Variants in PUM3 observed in about 807,000 individuals in gnomAD.
The protein encoded by PUM3 is pumilio homolog 3.
In PUM3, 91 loss-of-function variants were observed where a neutral mutation model predicts 84.0. The observed-to-expected ratio is 1.08, with a 90% CI of 0.91 to 1.29. PUM3 has a LOEUF of 1.29. Ranked by LOEUF, PUM3 falls within the 50% of genes most tolerant of loss-of-function variation. The pLI is 0.00. For missense variants in PUM3, 1,067 were observed against 767.5 expected, an observed-to-expected ratio of 1.39 and a Z score of -4.61; for synonymous variants, 321 against 266.7, an observed-to-expected ratio of 1.20 and a Z score of -1.98.
rs189340823 is a variant in PUM3 at position 2,832,224 on chromosome 9, T to C, written c.517-880A>G. ...TTTTTGTGCATATATTGAGCACCTA[T>C]TATATAATCAACATAAATGCCTTAA... On this transcript the variant is annotated intron_variant, in intron 5 of 17. Transcript: ENST00000397885. 3.5e-4 allele frequency among the ~76,000 whole-genome samples: 53 copies of C among 152,310 alleles called. No homozygotes were observed. In the East Asian group the frequency reaches 8.7e-3, roughly 25 times the overall value.
At chr9:2,826,124 G>C (rs1255282563) in intron 10 of PUM3, among the ~76,000 whole-genome samples, 1 of 148,302 alleles carries the variant, frequency 6.7e-6, no homozygotes, top group Non-Finnish European at 1.5e-5. Flanking sequence ...AGTCTCTTTT[G>C]AAAATGCCCC....
At chr9:2,843,411 C>T (rs946691843) in intron 1 of PUM3, among the ~76,000 whole-genome samples, 3 of 152,008 alleles carry the variant, frequency 2.0e-5, no homozygotes, top group African/African-American at 7.3e-5. Flanking sequence ...TTAGAATCTG[C>T]GTACATTCAG....
At chr9:2,809,492 T>A (rs1050617332) in intron 16 of PUM3, among the ~76,000 whole-genome samples, 1 of 152,122 alleles carries the variant, frequency 6.6e-6, no homozygotes, top group African/African-American at 2.4e-5. Context: ...TAGCCCCAGG[T>A]CCCCATTCTT....
chr9:2,841,394 A>G (rs1010854656), intron 1 of PUM3, among the ~76,000 whole-genome samples: 1 of 152,002 alleles, frequency 6.6e-6, no homozygotes, highest in Non-Finnish European at 1.5e-5. Context: ...ACCAAACCCC[A>G]TCTCTACTAA....
chr9:2,830,387 TCAAGA>T (rs970175892), intron 7 of PUM3, among the ~76,000 whole-genome samples: 5 of 152,190 alleles, frequency 3.3e-5, no homozygotes, highest in African/African-American at 1.2e-4. Context: ...AAAAGATTGG[TCAAGA>T]CAAGTACTAA....
chr9:2,822,748 T>A (rs1815688318), intron 12 of PUM3, among the ~76,000 whole-genome samples: 1 of 147,948 alleles, frequency 6.8e-6, no homozygotes, highest in East Asian at 1.9e-4. Flanking sequence ...TAATGTTATA[T>A]AATATATAAC....
intron 3 of PUM3, among the ~76,000 whole-genome samples, chr9:2,836,061 A>C (rs10217311): frequency 0.038 from 5,756 of 152,192 alleles, 121 homozygotes; most frequent in East Asian, 0.063. Flanking sequence ...GAGAAAGAAA[A>C]AATGAAAAGA....
rs981767303 is a variant in PUM3, at chr9:2,823,774, T to C, written c.1188+7A>G. 6.8e-6 allele frequency: 9 copies of C among 1,329,184 alleles called. No homozygotes were observed. Among genetic ancestry groups the C allele is most frequent in the Admixed American group, 1.9e-5 (1 of 52,174 alleles). The allele number at this position is 1,329,184 out of a possible 1,614,324, so 82.3% of individuals were successfully genotyped here. ...ATAATTAGAATATGTAGTTTTATTA[T>C]ACTTACATTAGCCACCTTTTCAACA... On this transcript the variant is annotated splice_region_variant and intron_variant, in intron 12 of 17. Transcript: ENST00000397885.
rs114287488 is a variant in PUM3 at position 2,834,101 on chromosome 9, T to C, written c.370A>G (p.Arg124Gly). Reference protein sequence around the residue: ...KKKKKELKQSRQLSDKTNYDI... With the variant: ...KKKKKELKQSGQLSDKTNYDI... ...TAGTTGGTTTTATCACTGAGTTGTCTGCTTTGCTTCAGTTCTTTCTTCTTC... is the reference window on the plus strand; with the variant it reads ...TAGTTGGTTTTATCACTGAGTTGTCCGCTTTGCTTCAGTTCTTTCTTCTTC... The change falls in exon 4 of 18, where the codon AGA (arginine) becomes GGA (glycine). Residue 124 changes from arginine (R) to glycine (G), a missense_variant. Transcript: ENST00000397885. 3.8e-4 allele frequency: 619 copies of C among 1,613,808 alleles called. 1 individual carries two copies. In the African/African-American group the frequency reaches 7.4e-3, roughly 19 times the overall value.
In PUM3 at chr9:2,812,246, C is replaced by G; in HGVS notation, c.1386G>C (p.Leu462=). 1 of 1,613,650 alleles carries G rather than the reference C, an allele frequency of 6.2e-7. No homozygotes were observed. The highest frequency in any genetic ancestry group is 8.5e-7 in the Non-Finnish European group (1 of 1,179,736). The part of the protein sequence containing the change: ...AHTVREIIEV[L]QKGDGNAHSK... ...TGTGTGCATTTCCATCTCCTTTTTG[C>G]AGAACTTCAATGATTTCTCGTACTG... Residue 462 remains leucine, a synonymous_variant, in exon 14 of 18, where the codon CTG becomes CTC. Coordinates refer to ENST00000397885, the MANE Select transcript of PUM3 (RefSeq NM_014878.5).
At chr9:2,823,532 G>C (rs913530517) in intron 12 of PUM3, among the ~76,000 whole-genome samples, 8 of 151,732 alleles carry the variant, frequency 5.3e-5, no homozygotes, top group African/African-American at 1.9e-4. Context: ...GGTTTTCAAA[G>C]AATATCTAAT....
chr9:2,840,989 C>A (rs1464467389), intron 1 of PUM3, among the ~76,000 whole-genome samples: 1 of 152,186 alleles, frequency 6.6e-6, no homozygotes, highest in Non-Finnish European at 1.5e-5. Context: ...TGCATATGCA[C>A]ATACCTATAT....
At chr9:2,843,537 G>T (rs991827366) in intron 1 of PUM3, among the ~76,000 whole-genome samples, 1 of 151,812 alleles carries the variant, frequency 6.6e-6, no homozygotes, top group Non-Finnish European at 1.5e-5. Context: ...GGCACGCAGG[G>T]CAACGTGGTG....
At chr9:2,837,093 A>G in intron 3 of PUM3, 87 bp downstream of exon 3, 1 of 1,118,960 alleles carries the variant, frequency 8.9e-7, no homozygotes, top group Non-Finnish European at 1.3e-6. Flanking sequence ...GCCAAGGAAT[A>G]AGAATGTGAG....
chr9:2,822,994 G>C (rs1282019390), intron 12 of PUM3, among the ~76,000 whole-genome samples: 2 of 151,702 alleles, frequency 1.3e-5, no homozygotes, highest in East Asian at 1.9e-4. Flanking sequence ...CCAGATGCTA[G>C]TAGTTCTCAC....
In PUM3 at chr9:2,838,438, G is replaced by A; in HGVS notation, c.70C>T (p.His24Tyr). The A allele has an allele frequency of 6.2e-7, 1 of 1,610,146 alleles. No homozygotes were observed. Among genetic ancestry groups the A allele is most frequent in the South Asian group, 1.1e-5 (1 of 90,962 alleles). Reference sequence around the variant, plus strand: ...AAGCATATCTTACCACTATTTTTATGAAATCTGTTTTTTTCTTGTGCTGTC... The same window carrying A: ...AAGCATATCTTACCACTATTTTTATAAAATCTGTTTTTTTCTTGTGCTGTC... ...TKTAQEKNRF[H>Y]KNSDSGSSKT... Residue 24 changes from histidine to tyrosine, a missense_variant, in exon 2 of 18, where the codon CAT (histidine) becomes TAT (tyrosine). Physicochemically the swap from His to Tyr is moderately conservative, Grantham distance 83. Coordinates refer to ENST00000397885, the MANE Select transcript of PUM3 (RefSeq NM_014878.5).
chr9:2,814,099 G>A (rs534027180), intron 13 of PUM3, among the ~76,000 whole-genome samples: 1 of 152,340 alleles, frequency 6.6e-6, no homozygotes, highest in East Asian at 1.9e-4. Flanking sequence ...ACCACTCAGG[G>A]AAAATGAACT....
chr9:2,824,662 A>G, intron 11 of PUM3, 55 bp downstream of exon 11: 1 of 1,158,854 alleles, frequency 8.6e-7, no homozygotes, highest in Non-Finnish European at 1.2e-6. Flanking sequence ...AAGCCTGCAG[A>G]TAAAGCATGG....
chr9:2,811,718 G>C (rs1821378491), intron 14 of PUM3, 135 bp from the exon 15 acceptor site: 8 of 650,042 alleles, frequency 1.2e-5, no homozygotes. Flanking sequence ...TTTCTGTTAA[G>C]CATGTAGACA....
Sources: gnomAD v4.1 joint callset for allele counts (sites outside exome capture counted in the v4.1 genomes callset) on GRCh38, gnomAD v4.1.1 for gene constraint, MANE v1.5 for transcripts, NCBI Gene and HGNC (gene_info 2026-07-23, HGNC 2026-07-21) for gene names.